SLC66A3: variants seen among roughly 807,000 people sequenced by gnomAD.
SLC66A3 encodes the protein PQ loop repeat containing 3.
A neutral mutation model predicts 25.5 loss-of-function variants in SLC66A3; 23 were observed. That is an observed-to-expected ratio of 0.90 (90% CI 0.65 to 1.28). The LOEUF (loss-of-function observed/expected upper bound fraction) is 1.28, where lower values mean the gene tolerates loss of function less well. Among genes scored for constraint, SLC66A3 ranks in the 50% most tolerant of loss-of-function variants. SLC66A3 has a pLI of 0.00. For missense variants in SLC66A3, 246 were observed against 262.1 expected, an observed-to-expected ratio of 0.94 and a Z score of 0.42; for synonymous variants, 108 against 112.6, an observed-to-expected ratio of 0.96 and a Z score of 0.26.
At chr2:11,160,774 T>A in intron 3 of SLC66A3, 80 bp downstream of exon 3, 1 of 1,589,580 alleles carries the variant, frequency 6.3e-7, no homozygotes, top group Non-Finnish European at 8.5e-7. Flanking sequence ...CAGGCTCCTT[T>A]ACCAGATGTG....
At chr2:11,172,841 C>T (rs1232037571) in intron 5 of SLC66A3, 3 of 321,086 alleles carry the variant, frequency 9.3e-6, no homozygotes, top group African/African-American at 2.2e-5. Flanking sequence ...GCACACACCA[C>T]CACACCTGGC....
chr2:11,170,437 C>T (rs1456095154), intron 4 of SLC66A3, among the ~76,000 whole-genome samples: 1 of 152,132 alleles, frequency 6.6e-6, no homozygotes, highest in African/African-American at 2.4e-5. Flanking sequence ...GGATCTCTTA[C>T]CTCACTGTAT....
At chr2:11,168,171 G>A (rs1406640378) in intron 4 of SLC66A3, among the ~76,000 whole-genome samples, 1 of 151,912 alleles carries the variant, frequency 6.6e-6, no homozygotes, top group East Asian at 1.9e-4. Context: ...TGTAGTCCCA[G>A]CTACTCAGGA....
At chr2:11,165,099 A>T (rs1389066921) in intron 4 of SLC66A3, among the ~76,000 whole-genome samples, 1 of 150,270 alleles carries the variant, frequency 6.7e-6, no homozygotes, top group African/African-American at 2.5e-5. Flanking sequence ...CACTTCCCAG[A>T]AGGGGCGGCC....
chr2:11,161,667 T>C (rs138307596), intron 3 of SLC66A3, among the ~76,000 whole-genome samples: 70 of 152,286 alleles, frequency 4.6e-4, no homozygotes, highest in African/African-American at 1.6e-3. Flanking sequence ...TACAGGTGCA[T>C]GCTACTATGC....
intron 3 of SLC66A3, among the ~76,000 whole-genome samples, chr2:11,163,810 C>G (rs1662209109): frequency 6.6e-6 from 1 of 152,224 alleles, no homozygotes; most frequent in South Asian, 2.1e-4. Flanking sequence ...ATTCACATCA[C>G]AGCAATTTTG....
intron 5 of SLC66A3, among the ~76,000 whole-genome samples, chr2:11,173,988 T>A (rs1433169410): frequency 1.3e-5 from 2 of 152,170 alleles, no homozygotes; most frequent in Non-Finnish European, 2.9e-5. Flanking sequence ...AGAGTTTCGC[T>A]CTTTCGCTTA....
intron 1 of SLC66A3, among the ~76,000 whole-genome samples, chr2:11,156,568 G>A (rs1397384972): frequency 6.6e-6 from 1 of 152,044 alleles, no homozygotes; most frequent in Non-Finnish European, 1.5e-5. Context: ...ATGGGAAGAA[G>A]CCAAGGGGTG....
chr2:11,164,125 G>A, intron 3 of SLC66A3, 79 bp from the exon 4 acceptor site: 1 of 857,982 alleles, frequency 1.2e-6, no homozygotes, highest in Middle Eastern at 2.2e-4. Context: ...GCTGTCTGTG[G>A]TCTTGGTTTG....
intron 4 of SLC66A3, among the ~76,000 whole-genome samples, chr2:11,166,353 A>T (rs944312128): frequency 3.9e-5 from 6 of 152,162 alleles, no homozygotes; most frequent in African/African-American, 1.4e-4. Context: ...GACCTCTCCA[A>T]GGTGACAGAA....
chr2:11,162,439 C>G (rs1031812921), intron 3 of SLC66A3, among the ~76,000 whole-genome samples: 3 of 152,198 alleles, frequency 2.0e-5, no homozygotes, highest in Non-Finnish European at 4.4e-5. Flanking sequence ...GATAGTGAGG[C>G]TGCAGATTAG....
At chr2:11,175,867 A>G (rs183016615) in intron 6 of SLC66A3, among the ~76,000 whole-genome samples, 2 of 152,350 alleles carry the variant, frequency 1.3e-5, no homozygotes, top group Non-Finnish European at 2.9e-5. Context: ...GACCTTTTAA[A>G]TGAGCTAATT....
At chr2:11,172,125 A>G in intron 5 of SLC66A3, 80 bp downstream of exon 5, 1 of 1,405,908 alleles carries the variant, frequency 7.1e-7, no homozygotes, top group Admixed American at 1.9e-5. Context: ...TTGGTGTTGA[A>G]GTAACATGGT....
intron 4 of SLC66A3, among the ~76,000 whole-genome samples, chr2:11,166,522 C>T (rs951091297): frequency 6.6e-6 from 1 of 152,180 alleles, no homozygotes; most frequent in African/African-American, 2.4e-5. Context: ...ACATTTCAAC[C>T]CTGTGACTTG....
At chr2:11,174,089 G>A (rs1165502679) in intron 5 of SLC66A3, among the ~76,000 whole-genome samples, 1 of 151,982 alleles carries the variant, frequency 6.6e-6, no homozygotes, top group Non-Finnish European at 1.5e-5. Context: ...CAAGTAGCTG[G>A]GATTATTACA....
chr2:11,161,681 G>A (rs1455133566), intron 3 of SLC66A3, among the ~76,000 whole-genome samples: 1 of 152,148 alleles, frequency 6.6e-6, no homozygotes, highest in Non-Finnish European at 1.5e-5. Context: ...ACTATGCCCA[G>A]CTAATTAAAA....
intron 4 of SLC66A3, among the ~76,000 whole-genome samples, chr2:11,169,835 CTCTTTTTT>C (rs1662483464): frequency 1.2e-5 from 1 of 85,104 alleles, no homozygotes. Context: ...CTGGATTTCT[CTCTTTTTT>C]TTTTTTTTTT....
intron 6 of SLC66A3, among the ~76,000 whole-genome samples, chr2:11,175,223 A>G (rs1355540953): frequency 6.6e-6 from 1 of 152,198 alleles, no homozygotes; most frequent in African/African-American, 2.4e-5. Flanking sequence ...GCACAAGACA[A>G]TAGATTCCTA....
intron 1 of SLC66A3, among the ~76,000 whole-genome samples, chr2:11,158,437 C>T (rs1661985059): frequency 6.6e-6 from 1 of 152,182 alleles, no homozygotes; most frequent in Non-Finnish European, 1.5e-5. Context: ...CCCAGGCCGG[C>T]GGATCACGAG....
Sources: allele counts gnomAD v4.1 joint callset (sites outside exome capture counted in the v4.1 genomes callset), GRCh38; gene constraint gnomAD v4.1.1; transcripts MANE v1.5; gene names NCBI Gene and HGNC (gene_info 2026-07-23, HGNC 2026-07-21).